The following TMEM132B variants were observed in gnomAD, a reference collection of about 807,000 sequenced individuals.
TMEM132B encodes the protein transmembrane protein 132B.
Under a neutral mutation model 90.8 loss-of-function variants are expected in TMEM132B, and 18 were observed. The ratio of observed to expected loss-of-function variants is 0.20; its 90% CI spans 0.14 to 0.29. TMEM132B has a LOEUF of 0.29. Among genes scored for constraint, TMEM132B ranks in the 10% least tolerant of loss-of-function variants. The pLI, the probability that TMEM132B is intolerant of heterozygous loss-of-function variation, is 1.00. For synonymous variants in TMEM132B, 504 were observed against 523.3 expected (o/e 0.96, Z 0.50); for missense variants, 1,096 against 1,326.8 (o/e 0.83, Z 2.70).
chr12:125,449,954 C>A (rs1593152966), intron 3 of TMEM132B, among the ~76,000 whole-genome samples: 1 of 152,114 alleles, frequency 6.6e-6, no homozygotes. Context: ...AGTCTTGTGG[C>A]ATTGAATTGT....
chr12:125,654,852 G>T lies in TMEM132B; in HGVS notation c.*142G>T. 1 of 985,042 alleles carries T rather than the reference G, an allele frequency of 1.0e-6. No homozygotes were observed. The highest frequency in any genetic ancestry group is 3.1e-4 in the Middle Eastern group (1 of 3,222). The allele number at this position is 985,042 out of a possible 1,614,324, so 61.0% of individuals were successfully genotyped here. ...GGGATTCATTTCTAAGCAGGTAAAA[G>T]AGGTTTGGAGAGCTATAGAAGCTGG... On this transcript the variant is annotated 3_prime_UTR_variant, in exon 9 of 9. Coordinates refer to ENST00000682704, the MANE Select transcript of TMEM132B (RefSeq NM_001366854.1). The surrounding 1 kb of genome is among the most constrained non-coding windows in gnomAD (Gnocchi z 5.8).
chr12:125,632,189 A>G (rs1328348714), intron 5 of TMEM132B, among the ~76,000 whole-genome samples: 1 of 152,066 alleles, frequency 6.6e-6, no homozygotes, highest in Non-Finnish European at 1.5e-5. Context: ...CGGCTTGTGA[A>G]TACTATCTTA....
At chr12:125,478,093 C>G (rs1881935041) in intron 3 of TMEM132B, among the ~76,000 whole-genome samples, 1 of 152,154 alleles carries the variant, frequency 6.6e-6, no homozygotes, top group African/African-American at 2.4e-5. Flanking sequence ...GACATCCACA[C>G]CAAAACCCCA....
At chr12:125,323,092 G>C (rs141731813) in intron 1 of TMEM132B, among the ~76,000 whole-genome samples, 21 of 152,196 alleles carry the variant, frequency 1.4e-4, no homozygotes, top group East Asian at 1.4e-3. Flanking sequence ...AGCTTATGTT[G>C]TCACTCCTTG....
At chr12:125,223,431 C>T (rs568786866) in intron 1 of TMEM132B, among the ~76,000 whole-genome samples, 20 of 152,208 alleles carry the variant, frequency 1.3e-4, no homozygotes, top group South Asian at 2.1e-4. Context: ...CATAAAACAA[C>T]GGAGTTATTT....
chr12:125,363,080 C>T (rs1878012691), intron 2 of TMEM132B, among the ~76,000 whole-genome samples: 1 of 152,198 alleles, frequency 6.6e-6, no homozygotes, highest in Non-Finnish European at 1.5e-5. Flanking sequence ...ACAAGGATTT[C>T]TCTGGGGTCG....
intron 1 of TMEM132B, among the ~76,000 whole-genome samples, chr12:125,332,213 T>C (rs2136206137): frequency 6.6e-6 from 1 of 152,332 alleles, no homozygotes; most frequent in South Asian, 2.1e-4. Flanking sequence ...TGTTTATACA[T>C]GTTAATGTAG....
At chr12:125,327,993 C>T (rs1008724577) in intron 1 of TMEM132B, among the ~76,000 whole-genome samples, 3 of 152,200 alleles carry the variant, frequency 2.0e-5, no homozygotes, top group Non-Finnish European at 2.9e-5. Flanking sequence ...AACCTGGGGC[C>T]AGTCTACAAG....
chr12:125,485,105 A>G (rs981596434), intron 3 of TMEM132B, among the ~76,000 whole-genome samples: 2 of 152,206 alleles, frequency 1.3e-5, no homozygotes, highest in African/African-American at 4.8e-5. Flanking sequence ...TACTAAGGCC[A>G]AAAGATAGTC....
intron 3 of TMEM132B, among the ~76,000 whole-genome samples, chr12:125,443,280 C>T (rs368897045): frequency 2.0e-5 from 3 of 152,138 alleles, no homozygotes; most frequent in Admixed American, 6.5e-5. Context: ...AGATCACCAT[C>T]GTAAACTATT....
At chr12:125,584,863 TTCC>T in intron 5 of TMEM132B, 1 of 152,354 alleles carries the variant, frequency 6.6e-6, no homozygotes, top group Non-Finnish European at 1.5e-5. Context: ...TGACTGATCC[TTCC>T]TCCTTTAAAT....
intron 1 of TMEM132B, among the ~76,000 whole-genome samples, chr12:125,187,753 T>C (rs1957768349): frequency 6.6e-6 from 1 of 151,966 alleles, no homozygotes; most frequent in Admixed American, 6.6e-5. Context: ...AAGCGTATCC[T>C]AAAATGACAA....
intron 2 of TMEM132B, among the ~76,000 whole-genome samples, chr12:125,398,011 A>G (rs980849175): frequency 6.6e-6 from 1 of 152,224 alleles, no homozygotes; most frequent in African/African-American, 2.4e-5. Context: ...CAGAACAGTT[A>G]GGGAGCATCA....
chr12:125,552,680 G>A (rs1884265650), intron 4 of TMEM132B, among the ~76,000 whole-genome samples: 1 of 152,230 alleles, frequency 6.6e-6, no homozygotes, highest in Non-Finnish European at 1.5e-5. Flanking sequence ...GTCTCTGTAA[G>A]ATTCATTGTA....
rs76532513 is a variant in TMEM132B at position 125,451,577 on chromosome 12, G to A, written c.1106+35900G>A. On this transcript the variant is annotated intron_variant, in intron 3 of 8. Transcript: ENST00000682704. ...TAAGATGTTAAAACATTAAGATTATGCCTGAGAGCTCCAGTATTACATTCC... is the reference window on the plus strand; with the variant it reads ...TAAGATGTTAAAACATTAAGATTATACCTGAGAGCTCCAGTATTACATTCC... Among the ~76,000 whole-genome samples the A allele has an allele frequency of 4.1e-4, 62 of 151,062 alleles. No individual in the cohort carries two copies. In the East Asian group the frequency reaches 0.011, roughly 26 times the overall value.
intron 3 of TMEM132B, among the ~76,000 whole-genome samples, chr12:125,428,611 A>G (rs1225351365): frequency 6.6e-6 from 1 of 152,068 alleles, no homozygotes; most frequent in Admixed American, 6.6e-5. Context: ...TCCTAGAGAA[A>G]ATTCTCCATG....
intron 1 of TMEM132B, among the ~76,000 whole-genome samples, chr12:125,235,802 CTTTTTTTTTTT>C (rs61643412): frequency 4.7e-5 from 5 of 107,416 alleles, no homozygotes; most frequent in Admixed American, 2.4e-4. Context: ...CACTTCATTC[CTTTTTTTTTTT>C]TTTTTTTTTG....
At chr12:125,315,803 C>T (rs1302842305) in intron 1 of TMEM132B, among the ~76,000 whole-genome samples, 1 of 152,288 alleles carries the variant, frequency 6.6e-6, no homozygotes, top group Non-Finnish European at 1.5e-5. Flanking sequence ...GCAGTTGCTA[C>T]TTGGCCAATT....
chr12:125,651,976 T>A (rs766333539), intron 7 of TMEM132B, among the ~76,000 whole-genome samples: 5 of 152,306 alleles, frequency 3.3e-5, no homozygotes, highest in African/African-American at 4.8e-5. Flanking sequence ...ACACTGTGAA[T>A]CTCTGGCTTC....
Sources: gnomAD v4.1 joint callset for allele counts (sites outside exome capture counted in the v4.1 genomes callset) on GRCh38, gnomAD v4.1.1 for gene constraint, Gnocchi (gnomAD v3.1) non-coding constraint, MANE v1.5 for transcripts, NCBI Gene and HGNC (gene_info 2026-07-23, HGNC 2026-07-21) for gene names.